DMD: variants seen among roughly 807,000 people sequenced by gnomAD.
DMD encodes mutant dystrophin.
In DMD, 63 loss-of-function variants were observed where a neutral mutation model predicts 330.1. That is an observed-to-expected ratio of 0.19 (90% CI 0.16 to 0.24). The LOEUF is 0.24. Ranked by LOEUF, DMD falls within the 10% of genes least tolerant of loss-of-function variation. DMD has a pLI of 1.00. For missense variants in DMD, 3,344 were observed against 2,684.1 expected, an observed-to-expected ratio of 1.25 and a Z score of -5.43; for synonymous variants, 1,223 against 959.8, an observed-to-expected ratio of 1.27 and a Z score of -5.07.
At chrX:32,892,365 C>T (rs930544365) in intron 2 of DMD, among the ~76,000 whole-genome samples, 4 of 110,670 alleles carry the variant, frequency 3.6e-5, no homozygotes, top group Admixed American at 2.9e-4. Flanking sequence ...ATGCCCCCCA[C>T]GCCATGTTGT....
At chrX:33,134,206 G>T (rs1047122984) in intron 1 of DMD, among the ~76,000 whole-genome samples, 1 of 111,445 alleles carries the variant, frequency 9.0e-6, no homozygotes, top group Non-Finnish European at 1.9e-5. Flanking sequence ...ACTCCCCTCC[G>T]TTAGCTTTAA....
chrX:32,590,914 T>C (rs973770970), intron 13 of DMD, among the ~76,000 whole-genome samples: 8 of 112,021 alleles, frequency 7.1e-5, no homozygotes, highest in Non-Finnish European at 1.5e-4. Context: ...ATATTTTATA[T>C]ACACATATAT....
At chrX:32,601,919 A>G (rs2056251582) in intron 12 of DMD, among the ~76,000 whole-genome samples, 1 of 112,224 alleles carries the variant, frequency 8.9e-6, no homozygotes, top group African/African-American at 3.2e-5. Flanking sequence ...AGCCATATTT[A>G]TATCAAAGTT....
chrX:32,367,360 A>G (rs1396951384), intron 34 of DMD, among the ~76,000 whole-genome samples: 3 of 112,121 alleles, frequency 2.7e-5, no homozygotes, highest in African/African-American at 9.7e-5. Context: ...AGAATTATCT[A>G]CTTTCTATAT....
At chrX:32,103,013 T>G (rs2096547366) in intron 44 of DMD, among the ~76,000 whole-genome samples, 1 of 111,965 alleles carries the variant, frequency 8.9e-6, no homozygotes, top group Non-Finnish European at 1.9e-5. Flanking sequence ...CCAACGGAGC[T>G]GCATTTAGGT....
chrX:33,010,030 A>G (rs772774024), intron 2 of DMD, among the ~76,000 whole-genome samples: 1 of 40,192 alleles, frequency 2.5e-5, no homozygotes, highest in African/African-American at 6.3e-5. Context: ...ATGTGTGTAC[A>G]TGTGTATATA....
intron 57 of DMD, among the ~76,000 whole-genome samples, chrX:31,483,148 G>A (rs757331529): frequency 1.9e-5 from 2 of 103,171 alleles, no homozygotes; most frequent in Non-Finnish European, 3.9e-5. Flanking sequence ...CCAGGTTCAT[G>A]CCATTCTCCT....
rs113559561 is a variant in DMD at position 32,746,687 on chromosome X, G to C, written c.650-47394C>G. Reference sequence around the variant, plus strand: ...ATCATATCCATTACCTCAAATATTTGTCATTTCTTTGTGTTGGGAAGTTTC... The same window carrying C: ...ATCATATCCATTACCTCAAATATTTCTCATTTCTTTGTGTTGGGAAGTTTC... On this transcript the variant is annotated intron_variant, in intron 7 of 78. Coordinates refer to ENST00000357033, the MANE Select transcript of DMD (RefSeq NM_004006.3). 3.6e-3 allele frequency among the ~76,000 whole-genome samples: 405 copies of C among 111,961 alleles called. 2 individuals are homozygous for C. Among genetic ancestry groups the C allele is most frequent in the African/African-American group, 0.013 (390 of 30,814 alleles).
At chrX:31,310,617 T>A in intron 62 of DMD, among the ~76,000 whole-genome samples, 1 of 110,979 alleles carries the variant, frequency 9.0e-6, no homozygotes, top group East Asian at 2.8e-4. Context: ...CAAACACGGT[T>A]CACTATAGCC....
intron 26 of DMD, among the ~76,000 whole-genome samples, chrX:32,453,984 T>C (rs557061831): frequency 9.0e-6 from 1 of 110,915 alleles, no homozygotes; most frequent in African/African-American, 3.3e-5. Flanking sequence ...GTTCATACAT[T>C]CAAGTGAGGA....
intron 2 of DMD, among the ~76,000 whole-genome samples, chrX:32,936,608 T>C (rs573003194): frequency 1.4e-4 from 16 of 111,922 alleles, no homozygotes; most frequent in African/African-American, 5.2e-4. Flanking sequence ...TCCTCCCTGC[T>C]TTTTTTCTTG....
chrX:33,009,124 G>A (rs1323851731), intron 2 of DMD, among the ~76,000 whole-genome samples: 6 of 21,016 alleles, frequency 2.9e-4, no homozygotes, highest in African/African-American at 6.5e-4. Context: ...GTATATATAC[G>A]TATATATGTA....
chrX:31,298,362 T>C (rs1337165795), intron 62 of DMD, among the ~76,000 whole-genome samples: 1 of 109,364 alleles, frequency 9.1e-6, no homozygotes, highest in Non-Finnish European at 1.9e-5. Context: ...TATGCCACTT[T>C]TAAAGTTTCC....
chrX:32,761,166 A>G (rs1406506822), intron 7 of DMD, among the ~76,000 whole-genome samples: 1 of 111,539 alleles, frequency 9.0e-6, no homozygotes, highest in African/African-American at 3.3e-5. Flanking sequence ...CTTTTTTTGC[A>G]GCGTCTATTT....
At chrX:31,557,864 A>G (rs2074943131) in intron 55 of DMD, among the ~76,000 whole-genome samples, 1 of 111,178 alleles carries the variant, frequency 9.0e-6, no homozygotes, top group Non-Finnish European at 1.9e-5. Context: ...AGATTGGAAA[A>G]AAAAAAAACC....
intron 1 of DMD, among the ~76,000 whole-genome samples, chrX:33,033,872 T>A (rs1266601649): frequency 8.9e-6 from 1 of 111,775 alleles, no homozygotes; most frequent in Non-Finnish European, 1.9e-5. Flanking sequence ...GATTTTGAGG[T>A]TTTAAGGGAA....
intron 52 of DMD, among the ~76,000 whole-genome samples, chrX:31,714,332 ATCT>A (rs1464374009): frequency 4.5e-5 from 5 of 111,969 alleles, no homozygotes; most frequent in Non-Finnish European, 9.4e-5. Flanking sequence ...ACATAATTTA[ATCT>A]TCTTGTGTTA....
intron 7 of DMD, among the ~76,000 whole-genome samples, chrX:32,799,744 TA>T (rs2076415697): frequency 9.0e-6 from 1 of 110,878 alleles, no homozygotes; most frequent in Non-Finnish European, 1.9e-5. Context: ...CACAAAAGGA[TA>T]TTTTTAAAGA....
chrX:32,584,397 C>T (rs1382100227), intron 13 of DMD, among the ~76,000 whole-genome samples: 1 of 111,426 alleles, frequency 9.0e-6, no homozygotes, highest in Non-Finnish European at 1.9e-5. Flanking sequence ...TGCATATACC[C>T]AATGATTAAG....
Sources: gnomAD v4.1 joint callset for allele counts (sites outside exome capture counted in the v4.1 genomes callset) on GRCh38, gnomAD v4.1.1 for gene constraint, MANE v1.5 for transcripts, NCBI Gene and HGNC (gene_info 2026-07-23, HGNC 2026-07-21) for gene names.